Variants in SGMS1 observed in about 807,000 individuals in gnomAD.
The protein encoded by SGMS1 is sphingomyelin synthase 1.
SGMS1 carries 13 observed loss-of-function variants against 46.2 expected under a neutral mutation model. That is an observed-to-expected ratio of 0.28 (90% CI 0.18 to 0.45). SGMS1 has a LOEUF of 0.45. Among genes scored for constraint, SGMS1 ranks in the 20% least tolerant of loss-of-function variants. The pLI, the probability that SGMS1 is intolerant of heterozygous loss-of-function variation, is 1.00. For missense variants in SGMS1, 324 were observed against 519.9 expected (o/e 0.62, Z 3.66); for synonymous variants, 203 against 187.8 (o/e 1.08, Z -0.66).
At chr10:50,402,687 T>C (rs993162709) in intron 6 of SGMS1, among the ~76,000 whole-genome samples, 2 of 152,172 alleles carry the variant, frequency 1.3e-5, no homozygotes, top group Admixed American at 6.5e-5. Flanking sequence ...ATAGTTTACA[T>C]AGTATGTAAC....
rs150921327 is a variant in SGMS1 at position 50,538,793 on chromosome 10, C to A, written c.-588-18872G>T. 5.3e-5 allele frequency among the ~76,000 whole-genome samples: 8 copies of A among 152,298 alleles called. No individual in the cohort carries two copies. In the East Asian group the frequency reaches 1.2e-3, roughly 22 times the overall value. ...ACTGTGAGATAAAAGCTGTAAGTAT[C>A]ATTAAGTGGTCAAAGGCGATCCAAA... On this transcript the variant is annotated intron_variant, in intron 2 of 10. Coordinates refer to ENST00000361781, the MANE Select transcript of SGMS1 (RefSeq NM_147156.4).
intron 3 of SGMS1, among the ~76,000 whole-genome samples, chr10:50,519,014 A>G (rs1383691156): frequency 6.6e-6 from 1 of 152,238 alleles, no homozygotes; most frequent in Non-Finnish European, 1.5e-5. Flanking sequence ...AATTCTCACC[A>G]TAGAATTTAA....
At chr10:50,557,987 A>G (rs1462045903) in intron 2 of SGMS1, among the ~76,000 whole-genome samples, 2 of 152,252 alleles carry the variant, frequency 1.3e-5, no homozygotes, top group Non-Finnish European at 2.9e-5. Context: ...ACTCTACTTC[A>G]GCCAATTAAC....
intron 6 of SGMS1, among the ~76,000 whole-genome samples, chr10:50,350,675 T>C (rs1312502287): frequency 1.3e-5 from 2 of 152,026 alleles, no homozygotes; most frequent in African/African-American, 4.8e-5. Context: ...CTTCAGAGGG[T>C]GGAAGCCCCA....
chr10:50,624,631 G>C (rs908912229), upstream of SGMS1: 8 of 985,292 alleles, frequency 8.1e-6, no homozygotes, highest in African/African-American at 3.5e-5. Context: ...TCCGAGCTGC[G>C]GCGAAAACCC....
chr10:50,582,317 AT>A (rs945758939), intron 2 of SGMS1, among the ~76,000 whole-genome samples: 2 of 152,314 alleles, frequency 1.3e-5, no homozygotes, highest in Admixed American at 6.5e-5. Context: ...CGAGAAAAAA[AT>A]CTCCTTCATT....
chr10:50,311,766 A>G (rs1021764824), intron 8 of SGMS1, among the ~76,000 whole-genome samples: 6 of 152,254 alleles, frequency 3.9e-5, no homozygotes, highest in Non-Finnish European at 8.8e-5. Flanking sequence ...TTTGGGAAAA[A>G]TAAAATTTAA....
chr10:50,365,255 C>CAAAAAAAAAAAAAAAAAAAAAAAAA lies in SGMS1; in HGVS notation c.-231-20911_-231-20910insTTTTTTTTTTTTTTTTTTTTTTTTT, dbSNP rs67951872. 1.7e-3 allele frequency among the ~76,000 whole-genome samples: 78 copies of CAAAAAAAAAAAAAAAAAAAAAAAAA among 45,032 alleles called. 4 individuals carry two copies. Among genetic ancestry groups the CAAAAAAAAAAAAAAAAAAAAAAAAA allele is most frequent in the Admixed American group, 2.3e-3 (7 of 2,984 alleles). The allele number at this position is 45,032 out of a possible 152,430, so 29.5% of individuals were successfully genotyped here. Reference sequence around the variant, plus strand: ...GCGACGGAGTGAGACTCCATCTCACCAAAAAAAAAAAAAAAAAAAAAAAGC... The same window carrying CAAAAAAAAAAAAAAAAAAAAAAAAA: ...GCGACGGAGTGAGACTCCATCTCACCAAAAAAAAAAAAAAAAAAAAAAAAAAAAAAAAAAAAAAAAAAAAAAAAGC... On this transcript the variant is annotated intron_variant, in intron 6 of 10. Transcript: ENST00000361781.
intron 8 of SGMS1, among the ~76,000 whole-genome samples, chr10:50,320,770 A>G (rs4935615): frequency 0.02 from 3,023 of 152,040 alleles, 101 homozygotes; most frequent in African/African-American, 0.066. Context: ...TCCTCCCTCT[A>G]TCTCCACTTG....
chr10:50,343,214 C>T (rs1183778916), intron 7 of SGMS1: 4 of 298,348 alleles, frequency 1.3e-5, no homozygotes, highest in African/African-American at 8.7e-5. Context: ...CTGAAGATGT[C>T]TGAGAGTTTT....
chr10:50,325,719 G>A (rs943707656), intron 8 of SGMS1, among the ~76,000 whole-genome samples: 1 of 152,170 alleles, frequency 6.6e-6, no homozygotes, highest in East Asian at 1.9e-4. Flanking sequence ...TACATGGTAC[G>A]GCCCCTCAAT....
intron 2 of SGMS1, among the ~76,000 whole-genome samples, chr10:50,522,622 C>T (rs1452915121): frequency 6.6e-6 from 1 of 152,144 alleles, no homozygotes; most frequent in Non-Finnish European, 1.5e-5. Flanking sequence ...TCCTGCCAAG[C>T]TTCATTTTAC....
intron 7 of SGMS1, chr10:50,336,087 T>C (rs1847712158): frequency 6.6e-6 from 1 of 152,150 alleles, no homozygotes; most frequent in African/African-American, 2.4e-5. Flanking sequence ...GAATCCATCA[T>C]CTAGCCTTTA....
intron 5 of SGMS1, among the ~76,000 whole-genome samples, chr10:50,441,096 A>G (rs1454138668): frequency 6.6e-6 from 1 of 152,236 alleles, no homozygotes; most frequent in African/African-American, 2.4e-5. Flanking sequence ...CCAGTCGACA[A>G]AGTGTTAGTG....
intron 2 of SGMS1, among the ~76,000 whole-genome samples, chr10:50,532,224 ACT>A (rs1837960776): frequency 1.1e-5 from 1 of 89,424 alleles, no homozygotes; most frequent in Non-Finnish European, 2.3e-5. Flanking sequence ...TCTGAATGAG[ACT>A]GTGTGTGTGT....
intron 7 of SGMS1, among the ~76,000 whole-genome samples, chr10:50,334,315 TG>T: frequency 6.6e-6 from 1 of 152,334 alleles, no homozygotes; most frequent in East Asian, 1.9e-4. Context: ...TATGTATATA[TG>T]TGTACATATA....
chr10:50,447,162 T>G (rs984957987), intron 5 of SGMS1, among the ~76,000 whole-genome samples: 10 of 152,224 alleles, frequency 6.6e-5, no homozygotes, highest in African/African-American at 2.4e-4. Flanking sequence ...AGGTTACTTT[T>G]AACAATTCAA....
intron 1 of SGMS1, among the ~76,000 whole-genome samples, chr10:50,611,265 T>TC (rs1264306899): frequency 1.3e-5 from 2 of 152,110 alleles, no homozygotes; most frequent in African/African-American, 4.8e-5. Context: ...TGCTGCCACA[T>TC]CCCAAGGCCA....
At chr10:50,400,385 A>C (rs1187724235) in intron 6 of SGMS1, among the ~76,000 whole-genome samples, 2 of 101,696 alleles carry the variant, frequency 2.0e-5, no homozygotes, top group African/African-American at 6.6e-5. Flanking sequence ...GACCTATAGA[A>C]CACATCCTGG....
Sources: gnomAD v4.1 joint callset for allele counts (sites outside exome capture counted in the v4.1 genomes callset) on GRCh38, gnomAD v4.1.1 for gene constraint, MANE v1.5 for transcripts, NCBI Gene and HGNC (gene_info 2026-07-23, HGNC 2026-07-21) for gene names.